Variants in C12orf75 observed in about 807,000 individuals in gnomAD.
The protein encoded by C12orf75 is overexpressed in colon carcinoma 1 protein.
Under a neutral mutation model 11.4 loss-of-function variants are expected in C12orf75, and 4 were observed. That is an observed-to-expected ratio of 0.35 (90% CI 0.17 to 0.80). The LOEUF (loss-of-function observed/expected upper bound fraction) is 0.80, where lower values mean the gene tolerates loss of function less well. Among genes scored for constraint, C12orf75 ranks in the 30% least tolerant of loss-of-function variants. The pLI, the probability that C12orf75 is intolerant of heterozygous loss-of-function variation, is 0.52. For synonymous variants in C12orf75, 30 were observed against 30.0 expected (o/e 1.00, Z 0.00); for missense variants, 89 against 80.4 (o/e 1.11, Z -0.41).
intron 5 of C12orf75, among the ~76,000 whole-genome samples, chr12:105,368,414 T>C (rs1198253720): frequency 6.6e-6 from 1 of 152,222 alleles, no homozygotes. Context: ...GGCTCTCATT[T>C]ACTAGCTGGG....
chr12:105,335,897 A>G (rs781772168), intron 1 of C12orf75, among the ~76,000 whole-genome samples: 3 of 152,272 alleles, frequency 2.0e-5, no homozygotes, highest in Non-Finnish European at 4.4e-5. Context: ...GGAAACAAAA[A>G]AGATTCAAAA....
chr12:105,344,299 C>T (rs999091051), intron 1 of C12orf75, among the ~76,000 whole-genome samples: 1 of 152,182 alleles, frequency 6.6e-6, no homozygotes, highest in Non-Finnish European at 1.5e-5. Context: ...CAGACAAATA[C>T]TGGCATAGGG....
rs1161484545 is a variant in C12orf75, at chr12:105,371,273, TTTTTA to T, written c.*678_*682del. On this transcript the variant is annotated 3_prime_UTR_variant, in exon 6 of 6. Transcript: ENST00000443585. ...ATGCCATATGCACATTTTGATTACA[TTTTTA>T]TTTTCTTTCGTGAAAGGCATGTGCA... The T allele has an allele frequency of 1.3e-5, 2 of 152,384 alleles. No homozygotes were observed. Among genetic ancestry groups the T allele is most frequent in the Non-Finnish European group, 2.9e-5 (2 of 68,148 alleles). 9.4% of individuals were successfully genotyped at this position (152,384 alleles called of 1,614,324 possible).
chr12:105,341,889 G>A (rs967056796), intron 1 of C12orf75, among the ~76,000 whole-genome samples: 2 of 152,220 alleles, frequency 1.3e-5, no homozygotes, highest in African/African-American at 4.8e-5. Flanking sequence ...TAAGTCATGA[G>A]ATCTGATGGT....
chr12:105,365,685 T>C, intron 2 of C12orf75, 122 bp from the exon 3 acceptor site: 1 of 714,774 alleles, frequency 1.4e-6, no homozygotes, highest in Non-Finnish European at 2.6e-6. Flanking sequence ...TCTACTTAAG[T>C]CTGATGGAAA....
chr12:105,365,265 T>TA (rs770120298), intron 2 of C12orf75, among the ~76,000 whole-genome samples: 20 of 151,616 alleles, frequency 1.3e-4, no homozygotes, highest in African/African-American at 2.7e-4. Context: ...TGTTTTTAGA[T>TA]AAAAAAAAAT....
chr12:105,365,085 C>T (rs1646845852), intron 2 of C12orf75, among the ~76,000 whole-genome samples: 1 of 152,050 alleles, frequency 6.6e-6, no homozygotes, highest in African/African-American at 2.4e-5. Flanking sequence ...GATCCGCCCG[C>T]CTCGGCCTCC....
intron 2 of C12orf75, among the ~76,000 whole-genome samples, chr12:105,355,296 A>C (rs1006854557): frequency 1.3e-5 from 2 of 151,122 alleles, no homozygotes; most frequent in Non-Finnish European, 2.9e-5. Context: ...CAGCCTCCCA[A>C]GTAGCTGGGA....
At chr12:105,344,010 GT>G (rs1330624377) in intron 1 of C12orf75, among the ~76,000 whole-genome samples, 1 of 152,118 alleles carries the variant, frequency 6.6e-6, no homozygotes, top group Non-Finnish European at 1.5e-5. Context: ...GTTTTAAATG[GT>G]GGCACCATGC....
intron 1 of C12orf75, among the ~76,000 whole-genome samples, chr12:105,331,298 C>T (rs1046682614): frequency 3.3e-5 from 5 of 151,994 alleles, no homozygotes; most frequent in African/African-American, 7.2e-5. Context: ...CACACTTGCT[C>T]CTCCAGGCCT....
Position 105,330,698 on chromosome 12 carries a change from G to A in C12orf75, c.-194G>A, listed in dbSNP as rs1183923594. 4 of 386,736 alleles carry A rather than the reference G, an allele frequency of 1.0e-5. No individual in the cohort carries two copies. The highest frequency in any genetic ancestry group is 6.6e-5 in the East Asian group (1 of 15,150). 24.0% of individuals were successfully genotyped at this position (386,736 alleles called of 1,614,324 possible). On this transcript the variant is annotated 5_prime_UTR_variant, in exon 1 of 6. Coordinates refer to ENST00000443585, the MANE Select transcript of C12orf75 (RefSeq NM_001145199.2). ...GGGCGAGGGGTGCCGGGTGGTTTCC[G>A]CCCGGCAGCCCGCAGCCCGCTGCGC...
intron 1 of C12orf75, among the ~76,000 whole-genome samples, chr12:105,344,949 A>T (rs1592878671): frequency 7.0e-6 from 1 of 143,118 alleles, no homozygotes; most frequent in African/African-American, 2.6e-5. Flanking sequence ...TTTAGACGTA[A>T]GCTGAAAATT....
rs747528626 is a variant in C12orf75 at position 105,346,219 on chromosome 12, G to C, written c.47-2383G>C. Among the ~76,000 whole-genome samples the C allele has an allele frequency of 2.3e-4, 35 of 152,078 alleles. No individual in the cohort carries two copies. In the South Asian group the frequency reaches 4.0e-3, roughly 17 times the overall value. ...AACCAGTGTACATCGTACAGGTATTGATTGGCCTCTTATGTCTCCCCATAA... is the reference window on the plus strand; with the variant it reads ...AACCAGTGTACATCGTACAGGTATTCATTGGCCTCTTATGTCTCCCCATAA... On this transcript the variant is annotated intron_variant, in intron 1 of 5. Transcript: ENST00000443585.
intron 2 of C12orf75, among the ~76,000 whole-genome samples, chr12:105,364,216 A>G (rs35543857): frequency 0.036 from 5,484 of 152,308 alleles, 165 homozygotes; most frequent in Non-Finnish European, 0.053. Flanking sequence ...TTTCTCCATT[A>G]TCTATGCTAA....
rs112965817 is a variant in C12orf75, at chr12:105,363,928, T to G, written c.72-1879T>G. 7.7e-3 allele frequency among the ~76,000 whole-genome samples: 1,166 copies of G among 152,312 alleles called. 15 individuals are homozygous for G. Among genetic ancestry groups the G allele is most frequent in the African/African-American group, 0.027 (1,109 of 41,566 alleles). ...TTGAGTTTTAAGATATTGAGTAATT[T>G]AACAGGAGAAAGTAAATGACTATTT... is the stretch of plus-strand genomic sequence containing the variant. On this transcript the variant is annotated intron_variant, in intron 2 of 5. Transcript: ENST00000443585.
chr12:105,356,935 C>A (rs1892789710), intron 2 of C12orf75, among the ~76,000 whole-genome samples: 1 of 152,074 alleles, frequency 6.6e-6, no homozygotes, highest in Admixed American at 6.6e-5. Flanking sequence ...GTGTTCCATG[C>A]AGATATTTGG....
At chr12:105,355,168 C>CTTT (rs200950023) in intron 2 of C12orf75, among the ~76,000 whole-genome samples, 1,301 of 74,086 alleles carry the variant, frequency 0.018, 127 homozygotes, top group African/African-American at 0.056. Flanking sequence ...ATTTCTTTTT[C>CTTT]TTTTTCTTTT....
intron 1 of C12orf75, among the ~76,000 whole-genome samples, chr12:105,332,685 C>G (rs1016899180): frequency 1.3e-5 from 2 of 149,852 alleles, no homozygotes; most frequent in Non-Finnish European, 3.0e-5. Context: ...GAGCTGAGAT[C>G]GCACCATTGC....
chr12:105,340,298 G>A (rs1892552671), intron 1 of C12orf75, among the ~76,000 whole-genome samples: 1 of 151,910 alleles, frequency 6.6e-6, no homozygotes, highest in South Asian at 2.1e-4. Flanking sequence ...GGTGGCATGC[G>A]CCTGTGGTCC....
Sources: allele counts gnomAD v4.1 joint callset (sites outside exome capture counted in the v4.1 genomes callset), GRCh38; gene constraint gnomAD v4.1.1; transcripts MANE v1.5; gene names NCBI Gene and HGNC (gene_info 2026-07-23, HGNC 2026-07-21).